MPPED1: variants seen among roughly 807,000 people sequenced by gnomAD.
MPPED1 encodes the protein metallophosphoesterase domain-containing protein 1.
MPPED1 carries 16 observed loss-of-function variants against 36.2 expected under a neutral mutation model. That is an observed-to-expected ratio of 0.44 (90% CI 0.30 to 0.67). MPPED1 has a LOEUF of 0.67. MPPED1 is among the 30% of genes least tolerant of loss of function. The pLI is 0.10. For missense variants in MPPED1, 307 were observed against 453.4 expected (o/e 0.68, Z 2.93); for synonymous variants, 199 against 191.3 (o/e 1.04, Z -0.33).
chr22:43,487,048 C>T (rs1347169582), intron 4 of MPPED1, among the ~76,000 whole-genome samples: 4 of 152,108 alleles, frequency 2.6e-5, no homozygotes, highest in African/African-American at 9.7e-5. Flanking sequence ...TTCCTCCCAC[C>T]TTCCTGTCGG....
intron 3 of MPPED1, among the ~76,000 whole-genome samples, chr22:43,455,534 A>T (rs979805966): frequency 2.0e-5 from 3 of 152,182 alleles, no homozygotes; most frequent in African/African-American, 7.2e-5. Context: ...GGTACTAGGG[A>T]TTAAGACTTC....
intron 2 of MPPED1, among the ~76,000 whole-genome samples, chr22:43,432,568 A>AAGGGAGGAGAGAGAGGGAAAG (rs1569067222): frequency 2.1e-5 from 1 of 47,922 alleles, no homozygotes; most frequent in African/African-American, 8.9e-5. Context: ...GAGAGAGAGA[A>AAGGGAGGAGAGAGAGGGAAAG]AGGGAGGAGA....
chr22:43,433,617 C>T (rs1164349311), intron 2 of MPPED1, among the ~76,000 whole-genome samples: 1 of 151,396 alleles, frequency 6.6e-6, no homozygotes, highest in African/African-American at 2.4e-5. Flanking sequence ...TGCGCGCTCC[C>T]GCCGCGGCAT....
intron 2 of MPPED1, among the ~76,000 whole-genome samples, chr22:43,430,447 G>C (rs1351574051): frequency 6.6e-6 from 1 of 152,196 alleles, no homozygotes; most frequent in Non-Finnish European, 1.5e-5. Context: ...AGCCTGGTGG[G>C]GTCCAGGGGC....
chr22:43,432,303 AAGAG>A (rs1195789716), intron 2 of MPPED1, among the ~76,000 whole-genome samples: 11 of 107,430 alleles, frequency 1.0e-4, no homozygotes, highest in Admixed American at 5.3e-4. Flanking sequence ...GAGAGAGGGA[AAGAG>A]AGAGAGAGAA....
chr22:43,433,976 C>T (rs11703590), intron 2 of MPPED1, among the ~76,000 whole-genome samples: 38,164 of 152,044 alleles, frequency 0.25, 6,404 homozygotes, highest in East Asian at 0.71. Context: ...GTAGTGGAGA[C>T]CGCACTGGAT....
Position 43,430,859 on chromosome 22 carries a change from A to C in MPPED1, c.225-4175A>C, listed in dbSNP as rs117595457. On this transcript the variant is annotated intron_variant, in intron 2 of 6. Transcript: ENST00000443721. ...GAGCTTGGGCATGGACTAACTTTTC[A>C]TTGTCATTGCAAGTATCAGAAACAC... 1.0e-3 allele frequency among the ~76,000 whole-genome samples: 152 copies of C among 151,858 alleles called. 1 individual carries two copies. In the East Asian group the frequency reaches 0.027, roughly 27 times the overall value.
intron 3 of MPPED1, among the ~76,000 whole-genome samples, chr22:43,435,620 G>A (rs975947803): frequency 4.6e-5 from 7 of 152,192 alleles, no homozygotes; most frequent in African/African-American, 1.7e-4. Context: ...ACTTTGTGGG[G>A]CTGAGGCTGG....
chr22:43,446,303 T>A (rs1930344823), intron 3 of MPPED1, among the ~76,000 whole-genome samples: 1 of 152,204 alleles, frequency 6.6e-6, no homozygotes, highest in Admixed American at 6.5e-5. Flanking sequence ...TGGGCGTGAT[T>A]CTAGGCACTG....
intron 1 of MPPED1, 74 bp downstream of exon 1, chr22:43,412,232 C>A: frequency 1.1e-6 from 1 of 870,476 alleles, no homozygotes; most frequent in South Asian, 5.1e-5. Context: ...GGGACCCTCT[C>A]CAGGCGCTGG....
chr22:43,447,883 A>ATATATATTTTTTT (rs1321289636), intron 3 of MPPED1, among the ~76,000 whole-genome samples: 1 of 67,738 alleles, frequency 1.5e-5, no homozygotes, highest in Non-Finnish European at 2.6e-5. Flanking sequence ...ATATATATAT[A>ATATATATTTTTTT]TTTTTTTTTT....
chr22:43,444,133 A>G (rs2146844834), intron 3 of MPPED1, among the ~76,000 whole-genome samples: 1 of 152,352 alleles, frequency 6.6e-6, no homozygotes, highest in Non-Finnish European at 1.5e-5. Context: ...TGAAAAATCT[A>G]GAATTCTAAG....
chr22:43,430,775 G>A (rs867389723), intron 2 of MPPED1, among the ~76,000 whole-genome samples: 39 of 151,988 alleles, frequency 2.6e-4, no homozygotes, highest in African/African-American at 8.9e-4. Flanking sequence ...GAGATTAGAC[G>A]CCCAGATTCC....
chr22:43,424,208 A>T (rs1486687294), intron 1 of MPPED1, among the ~76,000 whole-genome samples: 1 of 152,216 alleles, frequency 6.6e-6, no homozygotes, highest in Non-Finnish European at 1.5e-5. Context: ...GAGAGATGGT[A>T]GTGAGGCATC....
intron 3 of MPPED1, among the ~76,000 whole-genome samples, chr22:43,469,752 C>T (rs1199508738): frequency 6.6e-6 from 1 of 152,040 alleles, no homozygotes; most frequent in African/African-American, 2.4e-5. Flanking sequence ...GGAGAAGGGG[C>T]GACACAGAGG....
In MPPED1 at chr22:43,466,779, C is replaced by T. The variant is rs117611146; in HGVS notation, c.407-7957C>T. 2.3e-3 allele frequency among the ~76,000 whole-genome samples: 347 copies of T among 152,296 alleles called. 3 individuals are homozygous for T. The highest frequency in any genetic ancestry group is 3.6e-3 in the Non-Finnish European group (242 of 68,020). ...ACCTGCCAGAATTATTCGAACTAGA[C>T]AGTCCTAAGTCTCTTTCCCTTGCCT... On this transcript the variant is annotated intron_variant, in intron 3 of 6. Transcript: ENST00000443721.
intron 1 of MPPED1, among the ~76,000 whole-genome samples, chr22:43,419,787 G>A (rs932514): frequency 0.29 from 44,298 of 151,762 alleles, 7,764 homozygotes; most frequent in Non-Finnish European, 0.38. Flanking sequence ...CCTGGAGTCG[G>A]ACCTCTTTCC....
chr22:43,444,278 G>GT (rs1930252766), intron 3 of MPPED1, among the ~76,000 whole-genome samples: 2 of 79,124 alleles, frequency 2.5e-5, no homozygotes, highest in East Asian at 3.0e-4. Flanking sequence ...AGACCCACTG[G>GT]GGTGTGTGTG....
At chr22:43,428,612 T>G (rs7290966) in intron 2 of MPPED1, among the ~76,000 whole-genome samples, 73,949 of 152,038 alleles carry the variant, frequency 0.49, 18,686 homozygotes, top group Non-Finnish European at 0.55. Context: ...GAGGGAGCGA[T>G]GGAGCCTTAT....
Sources: allele counts gnomAD v4.1 joint callset (sites outside exome capture counted in the v4.1 genomes callset), GRCh38; gene constraint gnomAD v4.1.1; transcripts MANE v1.5; gene names NCBI Gene and HGNC (gene_info 2026-07-23, HGNC 2026-07-21).